RBFOX1: variants seen among roughly 807,000 people sequenced by gnomAD.
RBFOX1 encodes the protein RNA binding protein fox-1 homolog 1.
RBFOX1 carries 8 observed loss-of-function variants against 57.7 expected under a neutral mutation model. That is an observed-to-expected ratio of 0.14 (90% CI 0.08 to 0.25). The LOEUF is 0.25. Among genes scored for constraint, RBFOX1 ranks in the 10% least tolerant of loss-of-function variants. The pLI is 1.00. For missense variants in RBFOX1, 611 were observed against 548.5 expected (o/e 1.11, Z -1.14); for synonymous variants, 326 against 222.4 (o/e 1.47, Z -4.15).
chr16:7,289,909 C>G (rs893600920), intron 4 of RBFOX1, among the ~76,000 whole-genome samples: 1 of 152,164 alleles, frequency 6.6e-6, no homozygotes, highest in Non-Finnish European at 1.5e-5. Context: ...GGAGGTCTGC[C>G]TCCCTAGTCC....
At chr16:7,086,446 T>A (rs2059991835) in intron 4 of RBFOX1, among the ~76,000 whole-genome samples, 1 of 152,198 alleles carries the variant, frequency 6.6e-6, no homozygotes, top group South Asian at 2.1e-4. Context: ...ATTAATATGC[T>A]GGGCAAATTG....
chr16:5,447,988 A>G (rs565096965), intron 1 of RBFOX1, among the ~76,000 whole-genome samples: 152 of 152,320 alleles, frequency 1.0e-3, no homozygotes, highest in African/African-American at 3.5e-3. Flanking sequence ...GTTCTGGGTC[A>G]GCTCTCACTT....
intron 1 of RBFOX1, among the ~76,000 whole-genome samples, chr16:6,177,182 G>A (rs911081560): frequency 7.1e-6 from 1 of 140,942 alleles, no homozygotes; most frequent in Non-Finnish European, 1.5e-5. Flanking sequence ...CTCATTTCTT[G>A]TTTGTTTTTT....
intron 3 of RBFOX1, among the ~76,000 whole-genome samples, chr16:6,932,781 A>C (rs570186653): frequency 3.9e-5 from 6 of 152,284 alleles, no homozygotes; most frequent in Admixed American, 3.3e-4. Context: ...TTTTTATTGC[A>C]CAGTTTGGAG....
At chr16:6,542,483 C>CTGTTT (rs2096834941) in intron 2 of RBFOX1, among the ~76,000 whole-genome samples, 1 of 55,720 alleles carries the variant, frequency 1.8e-5, no homozygotes, top group African/African-American at 7.6e-5. Context: ...GGACCATAGT[C>CTGTTT]TTTTTTTTTT....
At chr16:7,071,276 G>A (rs78734385) in intron 4 of RBFOX1, among the ~76,000 whole-genome samples, 2,911 of 152,086 alleles carry the variant, frequency 0.019, 102 homozygotes, top group African/African-American at 0.066. Context: ...TGCTCTCAAG[G>A]GCTGTGCATT....
chr16:7,267,300 C>G (rs1475701968), intron 4 of RBFOX1, among the ~76,000 whole-genome samples: 1 of 151,766 alleles, frequency 6.6e-6, no homozygotes, highest in Non-Finnish European at 1.5e-5. Flanking sequence ...TTTCGGAGGC[C>G]AAAGGGGGCG....
intron 4 of RBFOX1, among the ~76,000 whole-genome samples, chr16:7,196,157 TG>T (rs2086645261): frequency 6.6e-6 from 1 of 152,218 alleles, no homozygotes; most frequent in Non-Finnish European, 1.5e-5. Flanking sequence ...GGAACAGGCT[TG>T]GCCCAATAAT....
intron 3 of RBFOX1, among the ~76,000 whole-genome samples, chr16:6,735,915 T>C (rs1372365492): frequency 1.7e-5 from 2 of 121,068 alleles, no homozygotes; most frequent in Non-Finnish European, 3.8e-5. Context: ...GAGGGAGTTT[T>C]TGTCGCCATT....
In RBFOX1 at chr16:6,055,936, G is replaced by A. The variant is rs140748786; in HGVS notation, c.-127+35944G>A. Among the ~76,000 whole-genome samples the A allele has an allele frequency of 2.0e-5, 3 of 152,218 alleles. No individual in the cohort carries two copies. The East Asian group carries it at 5.8e-4, about 29-fold the overall frequency. ...TAATCCCCTCTTGATGAGCACTTAG[G>A]TTATTTCTTTCCTAATATATGAAAT... On this transcript the variant is annotated intron_variant, in intron 1 of 15. Coordinates refer to ENST00000550418, the MANE Select transcript of RBFOX1 (RefSeq NM_018723.4).
chr16:6,735,891 G>A (rs1241474585), intron 3 of RBFOX1, among the ~76,000 whole-genome samples: 2 of 151,748 alleles, frequency 1.3e-5, no homozygotes, highest in East Asian at 1.9e-4. Flanking sequence ...GAAATAAGCA[G>A]ATGGTTGAAG....
intron 3 of RBFOX1, among the ~76,000 whole-genome samples, chr16:5,672,712 C>T (rs984497586): frequency 5.4e-5 from 2 of 37,208 alleles, no homozygotes; most frequent in Non-Finnish European, 2.9e-4. Flanking sequence ...ATAATGATGT[C>T]AAGAGGAAAA....
chr16:7,213,993 C>A (rs374343602), intron 4 of RBFOX1, among the ~76,000 whole-genome samples: 1 of 152,078 alleles, frequency 6.6e-6, no homozygotes, highest in Admixed American at 6.5e-5. Context: ...TTCCACTGTC[C>A]TGATGGAGCA....
At chr16:5,675,188 A>G (rs2050127977) in intron 3 of RBFOX1, among the ~76,000 whole-genome samples, 1 of 152,094 alleles carries the variant, frequency 6.6e-6, no homozygotes, top group Non-Finnish European at 1.5e-5. Flanking sequence ...CACTGTATAT[A>G]TACATCCACA....
chr16:7,520,976 T>A (rs1022309851), intron 5 of RBFOX1, among the ~76,000 whole-genome samples: 1 of 152,196 alleles, frequency 6.6e-6, no homozygotes, highest in Non-Finnish European at 1.5e-5. Flanking sequence ...TCTTTACCTC[T>A]TGTAACTTAG....
intron 3 of RBFOX1, among the ~76,000 whole-genome samples, chr16:5,769,594 G>A (rs1021277525): frequency 1.3e-5 from 2 of 152,002 alleles, no homozygotes; most frequent in African/African-American, 2.4e-5. Context: ...AGGAGGTTGC[G>A]GTGAGCCGAG....
At chr16:7,344,711 C>G (rs1333996380) in intron 4 of RBFOX1, among the ~76,000 whole-genome samples, 1 of 152,160 alleles carries the variant, frequency 6.6e-6, no homozygotes, top group Non-Finnish European at 1.5e-5. Context: ...AACTGAGGCT[C>G]AGCAAAGTGG....
intron 4 of RBFOX1, among the ~76,000 whole-genome samples, chr16:5,977,796 C>T (rs188385616): frequency 5.3e-5 from 8 of 152,264 alleles, no homozygotes; most frequent in Middle Eastern, 3.4e-3. Flanking sequence ...TTAAGAGACA[C>T]CACCATCAAG....
At chr16:6,240,676 CT>C (rs1436773436) in intron 1 of RBFOX1, among the ~76,000 whole-genome samples, 1 of 142,228 alleles carries the variant, frequency 7.0e-6, no homozygotes, top group Non-Finnish European at 1.5e-5. Flanking sequence ...TTATGATTTT[CT>C]TTTTCCTAAA....
Sources: gnomAD v4.1 joint callset for allele counts (sites outside exome capture counted in the v4.1 genomes callset) on GRCh38, gnomAD v4.1.1 for gene constraint, MANE v1.5 for transcripts, NCBI Gene and HGNC (gene_info 2026-07-23, HGNC 2026-07-21) for gene names.